Variants in FKTN observed in about 807,000 individuals in gnomAD.
The protein encoded by FKTN is ribitol-5-phosphate transferase FKTN.
A neutral mutation model predicts 58.6 loss-of-function variants in FKTN; 47 were observed. The ratio of observed to expected loss-of-function variants is 0.80; its 90% CI spans 0.63 to 1.02. The LOEUF is 1.02. Ranked by LOEUF, FKTN falls within the 50% of genes least tolerant of loss-of-function variation. FKTN has a pLI of 0.00. For missense variants in FKTN, 516 were observed against 537.3 expected (o/e 0.96, Z 0.39); for synonymous variants, 178 against 191.9 (o/e 0.93, Z 0.60).
chr9:105,634,956 G>C, intron 10 of FKTN, 95 bp from the exon 11 acceptor site: 1 of 947,184 alleles, frequency 1.1e-6, no homozygotes, highest in South Asian at 1.3e-5. Context: ...TGTAATGGGA[G>C]AGCACTGTCC....
chr9:105,607,719 A>G, intron 6 of FKTN, 100 bp from the exon 7 acceptor site: 13 of 1,036,336 alleles, frequency 1.3e-5, no homozygotes, highest in Non-Finnish European at 1.5e-5. Context: ...TCAACCTGTT[A>G]TCTAGGTTTT....
At chr9:105,634,908 T>A in intron 10 of FKTN, 143 bp from the exon 11 acceptor site, 3 of 759,056 alleles carry the variant, frequency 4.0e-6, no homozygotes, top group Non-Finnish European at 7.0e-6. Context: ...TTCTGGACAG[T>A]CAAAAATAAT....
intron 3 of FKTN, among the ~76,000 whole-genome samples, chr9:105,581,900 G>T (rs1281471089): frequency 1.3e-5 from 2 of 152,204 alleles, no homozygotes; most frequent in Non-Finnish European, 2.9e-5. Context: ...TCTGAAAAGC[G>T]CAATATTCGG....
intron 3 of FKTN, among the ~76,000 whole-genome samples, chr9:105,578,554 C>T (rs977594472): frequency 1.4e-4 from 21 of 149,204 alleles, no homozygotes; most frequent in Non-Finnish European, 2.1e-4. Flanking sequence ...TTTTGATGTG[C>T]TGCTGGATTC....
At chr9:105,560,789 A>C (rs1838154920) in intron 1 of FKTN, among the ~76,000 whole-genome samples, 1 of 152,154 alleles carries the variant, frequency 6.6e-6, no homozygotes, top group Non-Finnish European at 1.5e-5. Flanking sequence ...TGAGGGAGCC[A>C]CTTAAAAATA....
At chr9:105,569,879 C>A (rs1840436329) in intron 1 of FKTN, among the ~76,000 whole-genome samples, 1 of 151,912 alleles carries the variant, frequency 6.6e-6, no homozygotes, top group Admixed American at 6.6e-5. Context: ...TTTTTCTTTT[C>A]TTTTCCATTA....
Position 105,635,205 on chromosome 9 carries a change from G to GTGCA in FKTN, c.1328_1331dup (p.Gln444HisfsTer11). ...GGACTGGAAGCGCTCTCCTCCCAAT[G>GTGCA]TGCAACCCAATGGAATCTGGCCTAT... On this transcript the variant is annotated frameshift_variant, in exon 11 of 11. Coordinates refer to ENST00000357998, the MANE Select transcript of FKTN (RefSeq NM_001079802.2). LOFTEE classifies it high-confidence loss of function. 1 of 1,614,188 alleles carries GTGCA rather than the reference G, an allele frequency of 6.2e-7. No homozygotes were observed. Among genetic ancestry groups the GTGCA allele is most frequent in the Non-Finnish European group, 8.5e-7 (1 of 1,180,022 alleles).
chr9:105,595,262 A>G (rs760850482), intron 3 of FKTN, among the ~76,000 whole-genome samples: 1 of 152,200 alleles, frequency 6.6e-6, no homozygotes, highest in East Asian at 1.9e-4. Flanking sequence ...TAATAGTTGC[A>G]CAACTCTAAA....
chr9:105,572,003 T>C (rs1276791450), intron 1 of FKTN, among the ~76,000 whole-genome samples: 2 of 152,218 alleles, frequency 1.3e-5, no homozygotes, highest in Non-Finnish European at 2.9e-5. Flanking sequence ...CCAAGCATTT[T>C]GGATAAGGGA....
chr9:105,583,166 A>ATC (rs1319910675), intron 3 of FKTN, among the ~76,000 whole-genome samples: 2 of 152,238 alleles, frequency 1.3e-5, no homozygotes, highest in African/African-American at 4.8e-5. Flanking sequence ...CAGCTTACCT[A>ATC]TAGTGCCTGC....
intron 7 of FKTN, among the ~76,000 whole-genome samples, chr9:105,612,257 C>T (rs1299474410): frequency 6.6e-6 from 1 of 152,030 alleles, no homozygotes; most frequent in African/African-American, 2.4e-5. Flanking sequence ...TGTTTAAGTT[C>T]CTGATAGATG....
In FKTN at chr9:105,584,803, G is replaced by A. The variant is rs1452044302; in HGVS notation, c.105+9666G>A. On this transcript the variant is annotated intron_variant, in intron 3 of 10. Transcript: ENST00000357998. ...GCCACTGCACTCCAGCCTGGGTGAC[G>A]GGGAGATCGTGTCTTAAAATTTTTT... is the stretch of plus-strand genomic sequence containing the variant. Among the ~76,000 whole-genome samples the A allele has an allele frequency of 2.6e-5, 4 of 151,948 alleles. No homozygotes were observed. The South Asian group carries it at 6.2e-4, about 24-fold the overall frequency.
At chr9:105,608,480 A>G (rs1829307892) in intron 7 of FKTN, among the ~76,000 whole-genome samples, 1 of 152,192 alleles carries the variant, frequency 6.6e-6, no homozygotes. Context: ...TGTGTTCCGC[A>G]GGCTTCTGGC....
At chr9:105,582,716 A>G (rs1017756651) in intron 3 of FKTN, among the ~76,000 whole-genome samples, 6 of 152,246 alleles carry the variant, frequency 3.9e-5, no homozygotes, top group South Asian at 4.1e-4. Context: ...TTATTTTCTT[A>G]GGATAAAGTC....
chr9:105,594,109 C>A (rs75204128), intron 3 of FKTN, among the ~76,000 whole-genome samples: 4,278 of 152,150 alleles, frequency 0.028, 111 homozygotes, highest in African/African-American at 0.076. Context: ...ATTGCTGGAG[C>A]AATGTCTTTG....
chr9:105,596,765 G>T, intron 4 of FKTN, 108 bp downstream of exon 4: 1 of 896,356 alleles, frequency 1.1e-6, no homozygotes, highest in Non-Finnish European at 1.8e-6. Flanking sequence ...TACCTTGTGT[G>T]GTGGGTGGCC....
At chr9:105,610,123 G>GT (rs1052701647) in intron 7 of FKTN, among the ~76,000 whole-genome samples, 1 of 151,118 alleles carries the variant, frequency 6.6e-6, no homozygotes, top group Non-Finnish European at 1.5e-5. Context: ...TGTCTCCGTT[G>GT]TTTTTTGAAC....
chr9:105,602,088 A>G (rs1424322402), intron 5 of FKTN, among the ~76,000 whole-genome samples: 1 of 152,220 alleles, frequency 6.6e-6, no homozygotes, highest in Non-Finnish European at 1.5e-5. Flanking sequence ...TGTTGTTGGC[A>G]ATATGATTTT....
At chr9:105,572,973 G>C (rs1841015785) in intron 1 of FKTN, among the ~76,000 whole-genome samples, 1 of 152,178 alleles carries the variant, frequency 6.6e-6, no homozygotes, top group Non-Finnish European at 1.5e-5. Flanking sequence ...CGTGGCTCAT[G>C]CCTGTAATCC....
Sources: gnomAD v4.1 joint callset for allele counts (sites outside exome capture counted in the v4.1 genomes callset) on GRCh38, gnomAD v4.1.1 for gene constraint, MANE v1.5 for transcripts, NCBI Gene and HGNC (gene_info 2026-07-23, HGNC 2026-07-21) for gene names.